The following TNKS variants were observed in gnomAD, a reference collection of about 807,000 sequenced individuals.
TNKS encodes the protein tankyrase, also known as poly [ADP-ribose] polymerase tankyrase-1.
Under a neutral mutation model 135.8 loss-of-function variants are expected in TNKS, and 72 were observed. That is an observed-to-expected ratio of 0.53 (90% confidence interval 0.44 to 0.64). The LOEUF (loss-of-function observed/expected upper bound fraction) is 0.64, where lower values mean the gene tolerates loss of function less well. TNKS is among the 30% of genes least tolerant of loss of function. The probability of loss-of-function intolerance (pLI) is 0.00; values close to 1 mark genes in which losing one functional copy is unlikely to be tolerated. For missense variants in TNKS, 1,769 were observed against 1,674.0 expected, an observed-to-expected ratio of 1.06 and a Z score of -0.99; for synonymous variants, 849 against 649.3, an observed-to-expected ratio of 1.31 and a Z score of -4.68.
intron 2 of TNKS, 33 bp from the exon 3 acceptor site, chr8:9,615,549 A>AG (rs1483354791): frequency 3.2e-6 from 5 of 1,565,656 alleles, no homozygotes. Context: ...TGTATCCCCG[A>AG]GGTAAGATAC....
intron 3 of TNKS, among the ~76,000 whole-genome samples, chr8:9,642,581 A>G (rs1390590290): frequency 6.8e-6 from 1 of 146,428 alleles, no homozygotes; most frequent in Non-Finnish European, 1.5e-5. Flanking sequence ...AGACTTTTTC[A>G]TAATGTTTTA....
At chr8:9,713,558 C>G (rs1403510800) in intron 11 of TNKS, among the ~76,000 whole-genome samples, 52 of 152,156 alleles carry the variant, frequency 3.4e-4, no homozygotes. Flanking sequence ...CTGTCAATGA[C>G]TTAGAAGAAC....
chr8:9,578,141 C>G (rs556662268), intron 1 of TNKS, among the ~76,000 whole-genome samples: 2 of 152,308 alleles, frequency 1.3e-5, no homozygotes, highest in African/African-American at 4.8e-5. Context: ...TTGCAGGAGT[C>G]AGCTCCCATG....
At chr8:9,655,446 C>G (rs569398332) in intron 3 of TNKS, among the ~76,000 whole-genome samples, 3 of 152,326 alleles carry the variant, frequency 2.0e-5, no homozygotes, top group African/African-American at 7.2e-5. Flanking sequence ...ACTGCCTCCT[C>G]AAGTGGGTCC....
In TNKS at chr8:9,699,706, G is replaced by A. The variant is rs1280574140; in HGVS notation, c.1108-4957G>A. ...AGATGCTGCTGCCACTTTGCTGACAGCGTCATCATTTCTCTCTTGGATTAG... is the reference window on the plus strand; with the variant it reads ...AGATGCTGCTGCCACTTTGCTGACAACGTCATCATTTCTCTCTTGGATTAG... On this transcript the variant is annotated intron_variant, in intron 5 of 26. Transcript: ENST00000310430. Among the ~76,000 whole-genome samples the A allele has an allele frequency of 2.6e-5, 4 of 152,160 alleles. No individual in the cohort carries two copies. In the East Asian group the frequency reaches 7.7e-4, roughly 29 times the overall value.
At chr8:9,595,744 GC>G (rs1190307449) in intron 2 of TNKS, among the ~76,000 whole-genome samples, 6 of 152,006 alleles carry the variant, frequency 3.9e-5, no homozygotes, top group African/African-American at 1.4e-4. Flanking sequence ...TTTACTTAAT[GC>G]CCAGGTCTGT....
intron 5 of TNKS, among the ~76,000 whole-genome samples, chr8:9,704,281 T>C (rs1803949753): frequency 1.3e-5 from 2 of 152,128 alleles, no homozygotes. Context: ...AGGTTAGAAA[T>C]TGAAAGGAGG....
intron 17 of TNKS, among the ~76,000 whole-genome samples, chr8:9,745,082 A>C (rs1176418807): frequency 6.6e-6 from 1 of 151,886 alleles, no homozygotes; most frequent in Non-Finnish European, 1.5e-5. Flanking sequence ...CAGTTTAAGT[A>C]GCTTGTAACC....
intron 20 of TNKS, among the ~76,000 whole-genome samples, chr8:9,759,988 A>T: frequency 6.7e-6 from 1 of 148,676 alleles, no homozygotes; most frequent in African/African-American, 2.5e-5. Flanking sequence ...AAAAGAAAAC[A>T]AAACAAAAAA....
chr8:9,638,591 A>G (rs1800607428), intron 3 of TNKS, among the ~76,000 whole-genome samples: 1 of 152,238 alleles, frequency 6.6e-6, no homozygotes, highest in South Asian at 2.1e-4. Flanking sequence ...AATAGGAGAA[A>G]TTATTCTAAG....
chr8:9,772,885 T>C (rs1808013976), intron 26 of TNKS, among the ~76,000 whole-genome samples: 1 of 146,430 alleles, frequency 6.8e-6, no homozygotes, highest in Non-Finnish European at 1.5e-5. Context: ...GGTGTGGGTG[T>C]ATCTAGTATA....
rs1808449570 is a variant in TNKS at position 9,781,326 on chromosome 8, C to T, written c.*4590C>T. On this transcript the variant is annotated 3_prime_UTR_variant, in exon 27 of 27. Transcript: ENST00000310430. ...AGTCTACCCATTTCTGCAGGCAGCC[C>T]TGAAAGCCCTTGTGTTGATTCAGAG... 1.3e-5 allele frequency: 2 copies of T among 152,212 alleles called. No homozygotes were observed. The highest frequency in any genetic ancestry group is 4.8e-5 in the African/African-American group (2 of 41,448). The allele number at this position is 152,212 out of a possible 1,614,324, so 9.4% of individuals were successfully genotyped here.
chr8:9,564,941 A>G (rs1363622192), intron 1 of TNKS, among the ~76,000 whole-genome samples: 1 of 152,168 alleles, frequency 6.6e-6, no homozygotes, highest in Non-Finnish European at 1.5e-5. Context: ...TTCAAGAAAA[A>G]ATGAGTAGGG....
At chr8:9,628,328 C>G (rs1585250267) in intron 3 of TNKS, among the ~76,000 whole-genome samples, 2 of 152,270 alleles carry the variant, frequency 1.3e-5, no homozygotes, top group East Asian at 3.9e-4. Context: ...TCCCTAACGA[C>G]TGTACTAAAA....
At chr8:9,717,072 A>ATATATATATATAT (rs376229840) in intron 11 of TNKS, among the ~76,000 whole-genome samples, 1,793 of 79,362 alleles carry the variant, frequency 0.023, 226 homozygotes, top group African/African-American at 0.042. Flanking sequence ...GTTGTATTAT[A>ATATATATATATAT]ATATATATAT....
chr8:9,757,591 C>G (rs146264841), intron 20 of TNKS, among the ~76,000 whole-genome samples: 76 of 152,254 alleles, frequency 5.0e-4, no homozygotes, highest in Non-Finnish European at 9.4e-4. Context: ...TCCCAGCCCC[C>G]CTTGCAACCG....
chr8:9,669,928 A>G (rs1802192836), intron 3 of TNKS, among the ~76,000 whole-genome samples: 1 of 152,232 alleles, frequency 6.6e-6, no homozygotes, highest in African/African-American at 2.4e-5. Flanking sequence ...CTATTGAGAT[A>G]TAATGTCTAG....
intron 11 of TNKS, among the ~76,000 whole-genome samples, chr8:9,712,460 A>G (rs1447539448): frequency 6.6e-6 from 1 of 152,184 alleles, no homozygotes; most frequent in African/African-American, 2.4e-5. Context: ...AGCCTGGGCA[A>G]CAGAGCAAGA....
intron 5 of TNKS, among the ~76,000 whole-genome samples, chr8:9,689,145 C>A (rs971315310): frequency 6.6e-6 from 1 of 152,034 alleles, no homozygotes; most frequent in African/African-American, 2.4e-5. Flanking sequence ...TTATCACTGC[C>A]TTTTTTTCCT....
Sources: allele counts gnomAD v4.1 joint callset (sites outside exome capture counted in the v4.1 genomes callset), GRCh38; gene constraint gnomAD v4.1.1; transcripts MANE v1.5; gene names NCBI Gene and HGNC (gene_info 2026-07-23, HGNC 2026-07-21).